MAPKAPK2: variants seen among roughly 807,000 people sequenced by gnomAD.
MAPKAPK2 encodes the protein MAP kinase-activated protein kinase 2.
In MAPKAPK2, 9 loss-of-function variants were observed where a neutral mutation model predicts 48.8. The ratio of observed to expected loss-of-function variants is 0.18; its 90% CI spans 0.11 to 0.32. The LOEUF (loss-of-function observed/expected upper bound fraction) is 0.32, where lower values mean the gene tolerates loss of function less well. Among genes scored for constraint, MAPKAPK2 ranks in the 10% least tolerant of loss-of-function variants. The pLI, the probability that MAPKAPK2 is intolerant of heterozygous loss-of-function variation, is 1.00. For synonymous variants in MAPKAPK2, 202 were observed against 190.6 expected (o/e 1.06, Z -0.49); for missense variants, 331 against 498.3 (o/e 0.66, Z 3.20).
intron 1 of MAPKAPK2, among the ~76,000 whole-genome samples, chr1:206,686,242 C>CG (rs1161974556): frequency 6.6e-6 from 1 of 152,178 alleles, no homozygotes; most frequent in Non-Finnish European, 1.5e-5. Context: ...GTCTGTAACC[C>CG]GCGGCCGGGC....
chr1:206,722,545 T>C (rs1673557257), intron 1 of MAPKAPK2, among the ~76,000 whole-genome samples: 1 of 152,080 alleles, frequency 6.6e-6, no homozygotes, highest in Non-Finnish European at 1.5e-5. Context: ...CTAAAGAAAA[T>C]AAGCATCGTT....
chr1:206,699,761 CG>C (rs1263933080), intron 1 of MAPKAPK2, among the ~76,000 whole-genome samples: 1 of 152,086 alleles, frequency 6.6e-6, no homozygotes, highest in African/African-American at 2.4e-5. Context: ...ACAGGGAGGC[CG>C]TGTTTGTGTC....
chr1:206,713,088 G>T (rs1267120823), intron 1 of MAPKAPK2, among the ~76,000 whole-genome samples: 1 of 151,896 alleles, frequency 6.6e-6, no homozygotes, highest in Non-Finnish European at 1.5e-5. Context: ...GCCATGTACC[G>T]GGTCTAGGAT....
At chr1:206,716,416 G>A (rs1223127488) in intron 1 of MAPKAPK2, among the ~76,000 whole-genome samples, 1 of 152,094 alleles carries the variant, frequency 6.6e-6, no homozygotes, top group African/African-American at 2.4e-5. Flanking sequence ...TCTATCTTCC[G>A]GTTCTTTTTC....
chr1:206,731,996 G>A lies in MAPKAPK2; in HGVS notation c.1059+77G>A. The stretch of plus-strand genomic sequence containing the variant: ...GGGGAGTGCCCAGGTGTGAGGCGTG[G>A]TGCTGGTAGGGGAGAGCTTGATTCT... On this transcript the variant is annotated intron_variant, in intron 9 of 9. Coordinates refer to ENST00000367103, the MANE Select transcript of MAPKAPK2 (RefSeq NM_032960.4). The surrounding 1 kb of genome is among the most constrained non-coding windows in gnomAD (Gnocchi z 5.9). 2 of 1,614,116 alleles carry A rather than the reference G, an allele frequency of 1.2e-6. No individual in the cohort carries two copies. Among genetic ancestry groups the A allele is most frequent in the Non-Finnish European group, 1.7e-6 (2 of 1,180,032 alleles).
intron 1 of MAPKAPK2, among the ~76,000 whole-genome samples, chr1:206,709,814 TG>T (rs1165357866): frequency 6.6e-6 from 1 of 152,202 alleles, no homozygotes; most frequent in Non-Finnish European, 1.5e-5. Context: ...TCCTGTGCTT[TG>T]TAGGAGTTAG....
chr1:206,731,747 G>A lies in MAPKAPK2; in HGVS notation c.978+22G>A, dbSNP rs369480803. On this transcript the variant is annotated intron_variant, in intron 8 of 9. Coordinates refer to ENST00000367103, the MANE Select transcript of MAPKAPK2 (RefSeq NM_032960.4). This position sits in a 1 kb window ranked among gnomAD's most constrained non-coding sequence, Gnocchi z 5.9. The stretch of plus-strand genomic sequence containing the variant: ...CATGGTAAGCTCGGCAGGCTGGGGA[G>A]CCTTGGGTCTCACGGGACTATTCCA... 120 of 1,613,186 alleles carry A rather than the reference G, an allele frequency of 7.4e-5. 1 individual carries two copies. In the South Asian group the frequency reaches 1.2e-3, roughly 16 times the overall value.
intron 1 of MAPKAPK2, among the ~76,000 whole-genome samples, chr1:206,689,507 T>A (rs1185494271): frequency 3.9e-5 from 6 of 152,216 alleles, no homozygotes; most frequent in African/African-American, 1.4e-4. Context: ...TAGGAAAATT[T>A]CATTGACCAA....
rs1461803259 is a variant in MAPKAPK2, at chr1:206,704,506, T to G, written c.279+18998T>G. Among the ~76,000 whole-genome samples the G allele has an allele frequency of 6.6e-6, 1 of 152,196 alleles. No individual in the cohort carries two copies. The highest frequency in any genetic ancestry group is 2.4e-5 in the African/African-American group (1 of 41,444). On this transcript the variant is annotated intron_variant, in intron 1 of 9. Transcript: ENST00000367103. The surrounding 1 kb of genome is among the most constrained non-coding windows in gnomAD (Gnocchi z 4.3). ...GAAAGCAGTCACCCAACTTCCTTTA[T>G]AGCCGGATACAAAACAGTGCCTGAG...
intron 5 of MAPKAPK2, 52 bp downstream of exon 5, chr1:206,730,150 G>C: frequency 6.2e-7 from 1 of 1,609,642 alleles, no homozygotes; most frequent in Non-Finnish European, 8.5e-7. Flanking sequence ...ACTTTTCTCA[G>C]CCCCTCCTCT....
Position 206,729,071 on chromosome 1 carries a change from T to C in MAPKAPK2, c.456T>C (p.Asp152=). ...DGGELFSRIQ[D]RGDQAFTERE... ...GAGAACTCTTTAGCCGAATCCAGGA[T>C]CGAGGAGACCAGGCATTCACAGAAA... is the stretch of plus-strand genomic sequence containing the variant. The change falls in exon 3 of 10, where the codon GAT becomes GAC. Residue 152 remains aspartate (D), a synonymous_variant. Transcript: ENST00000367103. 1 of 1,614,114 alleles carries C rather than the reference T, an allele frequency of 6.2e-7. No individual in the cohort carries two copies.
At chr1:206,730,906 C>A in intron 6 of MAPKAPK2, 143 bp downstream of exon 6, 1 of 1,006,848 alleles carries the variant, frequency 9.9e-7, no homozygotes, top group Non-Finnish European at 1.5e-6. Context: ...GTTCCGATAG[C>A]TAAGTGGCGG....
At chr1:206,710,763 T>A (rs187949078) in intron 1 of MAPKAPK2, among the ~76,000 whole-genome samples, 2 of 152,338 alleles carry the variant, frequency 1.3e-5, no homozygotes, top group Admixed American at 1.3e-4. Context: ...AGATCCAAAC[T>A]TAGAAAGGAG....
chr1:206,687,020 G>T (rs2102369311), intron 1 of MAPKAPK2, among the ~76,000 whole-genome samples: 1 of 152,296 alleles, frequency 6.6e-6, no homozygotes, highest in South Asian at 2.1e-4. Context: ...GCATGGCTCT[G>T]ACCTTGGGGA....
chr1:206,713,329 G>A (rs1303976995), intron 1 of MAPKAPK2, among the ~76,000 whole-genome samples: 1 of 152,190 alleles, frequency 6.6e-6, no homozygotes, highest in African/African-American at 2.4e-5. Context: ...GTCATGACAA[G>A]GCCTGGCTTG....
intron 1 of MAPKAPK2, among the ~76,000 whole-genome samples, chr1:206,719,776 G>A (rs1553430973): frequency 6.6e-6 from 1 of 152,204 alleles, no homozygotes; most frequent in Non-Finnish European, 1.5e-5. Flanking sequence ...CCTATAAGCA[G>A]CTGTCTGTAA....
At chr1:206,727,569 A>G (rs1408524262) in intron 1 of MAPKAPK2, among the ~76,000 whole-genome samples, 1 of 152,106 alleles carries the variant, frequency 6.6e-6, no homozygotes, top group African/African-American at 2.4e-5. Context: ...CAGGTGCCAT[A>G]TGCAGGAGAG....
intron 1 of MAPKAPK2, among the ~76,000 whole-genome samples, chr1:206,726,431 G>C (rs1440440734): frequency 6.6e-6 from 1 of 152,216 alleles, no homozygotes; most frequent in Non-Finnish European, 1.5e-5. Context: ...CAGAACTCAA[G>C]ACCCATGAGG....
chr1:206,730,134 C>G (rs782015875), intron 5 of MAPKAPK2, 36 bp downstream of exon 5: 1 of 1,612,354 alleles, frequency 6.2e-7, no homozygotes, highest in Admixed American at 1.7e-5. Flanking sequence ...CTAGGCTTTT[C>G]CCAGAACTTT....
Sources: gnomAD v4.1 joint callset for allele counts (sites outside exome capture counted in the v4.1 genomes callset) on GRCh38, gnomAD v4.1.1 for gene constraint, Gnocchi (gnomAD v3.1) non-coding constraint, MANE v1.5 for transcripts, NCBI Gene and HGNC (gene_info 2026-07-23, HGNC 2026-07-21) for gene names.